The following TMEM117 variants were observed in gnomAD, a reference collection of about 807,000 sequenced individuals.
TMEM117 encodes transmembrane protein 117.
In TMEM117, 27 loss-of-function variants were observed where a neutral mutation model predicts 52.4. The observed-to-expected ratio is 0.51, with a 90% CI of 0.38 to 0.71. The LOEUF (loss-of-function observed/expected upper bound fraction) is 0.71, where lower values mean the gene tolerates loss of function less well. Among genes scored for constraint, TMEM117 ranks in the 30% least tolerant of loss-of-function variants. The pLI, the probability that TMEM117 is intolerant of heterozygous loss-of-function variation, is 0.00. For missense variants in TMEM117, 556 were observed against 630.5 expected (o/e 0.88, Z 1.26); for synonymous variants, 215 against 206.3 (o/e 1.04, Z -0.36).
At chr12:44,176,007 G>A (rs1004708726) in intron 4 of TMEM117, among the ~76,000 whole-genome samples, 1 of 152,116 alleles carries the variant, frequency 6.6e-6, no homozygotes, top group Non-Finnish European at 1.5e-5. Flanking sequence ...TATTCAAGAA[G>A]TTTGTAATGG....
intron 3 of TMEM117, among the ~76,000 whole-genome samples, chr12:43,999,723 C>T (rs1184290827): frequency 1.3e-5 from 2 of 152,084 alleles, no homozygotes; most frequent in African/African-American, 4.8e-5. Flanking sequence ...AACTCCTGAG[C>T]TCAAGCAGTC....
chr12:43,987,172 TAGAG>T (rs1945862785), intron 3 of TMEM117, among the ~76,000 whole-genome samples: 1 of 152,176 alleles, frequency 6.6e-6, no homozygotes, highest in Admixed American at 6.5e-5. Flanking sequence ...CAAGCACACA[TAGAG>T]AGAAGACAGT....
At chr12:43,936,431 A>C (rs1565758683) in intron 2 of TMEM117, among the ~76,000 whole-genome samples, 2 of 152,148 alleles carry the variant, frequency 1.3e-5, no homozygotes, top group Non-Finnish European at 2.9e-5. Flanking sequence ...TAGGATATCT[A>C]AGACTATAGT....
intron 4 of TMEM117, among the ~76,000 whole-genome samples, chr12:44,197,458 G>A (rs1384716690): frequency 2.0e-5 from 3 of 151,924 alleles, no homozygotes; most frequent in Admixed American, 2.0e-4. Flanking sequence ...ATATAATATT[G>A]GGCTAATATA....
At chr12:44,271,138 T>C (rs1396758564) in intron 5 of TMEM117, among the ~76,000 whole-genome samples, 4 of 152,086 alleles carry the variant, frequency 2.6e-5, no homozygotes, top group Non-Finnish European at 5.9e-5. Flanking sequence ...TGTTTTTTTG[T>C]TATGTCCTTT....
At chr12:43,944,397 G>A in intron 3 of TMEM117, 55 bp downstream of exon 3, 38 of 1,518,530 alleles carry the variant, frequency 2.5e-5, no homozygotes, top group Non-Finnish European at 3.3e-5. Flanking sequence ...AAACTTGTAA[G>A]AATTTAAGAG....
At chr12:43,929,008 G>T (rs996508096) in intron 2 of TMEM117, among the ~76,000 whole-genome samples, 40 of 151,472 alleles carry the variant, frequency 2.6e-4, no homozygotes, top group African/African-American at 9.5e-4. Flanking sequence ...TGGACATTTG[G>T]GTTGGTTCCA....
chr12:44,376,723 AG>A lies in TMEM117; in HGVS notation c.898+1del. 2 of 1,598,860 alleles carry A rather than the reference AG, an allele frequency of 1.3e-6. No individual in the cohort carries two copies. Among genetic ancestry groups the A allele is most frequent in the South Asian group, 2.3e-5 (2 of 87,290 alleles). ...FKEEYRIHIT[G>X]KWFNYGIIFL... ...AGGAGGAATATCGTATTCACATAAC[AG>A]GTGTGTTATATCTTTGAACACAATT... On this transcript the variant is annotated frameshift_variant and splice_region_variant, in exon 7 of 8. Coordinates refer to ENST00000266534, the MANE Select transcript of TMEM117 (RefSeq NM_032256.3). LOFTEE classifies it high-confidence loss of function.
intron 3 of TMEM117, among the ~76,000 whole-genome samples, chr12:44,098,395 G>A (rs1459143727): frequency 2.0e-5 from 3 of 151,196 alleles, no homozygotes; most frequent in Non-Finnish European, 4.4e-5. Flanking sequence ...TATTATTACA[G>A]ACTTAAGTCA....
intron 5 of TMEM117, among the ~76,000 whole-genome samples, chr12:44,225,615 A>G (rs1949850402): frequency 6.6e-6 from 1 of 152,200 alleles, no homozygotes; most frequent in Non-Finnish European, 1.5e-5. Context: ...CAATTTTAGT[A>G]TATAAACATC....
intron 3 of TMEM117, among the ~76,000 whole-genome samples, chr12:44,103,658 C>A (rs562183269): frequency 6.6e-6 from 1 of 152,028 alleles, no homozygotes; most frequent in African/African-American, 2.4e-5. Flanking sequence ...AGGATGCAGT[C>A]CTGAAACTTT....
the TMEM117 span, among the ~76,000 whole-genome samples, chr12:43,827,984 C>T: frequency 6.6e-6 from 1 of 152,170 alleles, no homozygotes; most frequent in Non-Finnish European, 1.5e-5. Flanking sequence ...ATACCAGGAA[C>T]CACCAGAAGC....
intron 3 of TMEM117, among the ~76,000 whole-genome samples, chr12:44,120,995 C>G (rs1430699584): frequency 3.3e-5 from 5 of 152,204 alleles, no homozygotes; most frequent in Non-Finnish European, 7.3e-5. Context: ...CTTACAGTTC[C>G]ATGTGGCTGG....
At chr12:44,310,352 C>A (rs1437431193) in intron 6 of TMEM117, among the ~76,000 whole-genome samples, 2 of 152,080 alleles carry the variant, frequency 1.3e-5, no homozygotes, top group Non-Finnish European at 2.9e-5. Context: ...ATAAGAATCA[C>A]TGGGGGCAGG....
intron 3 of TMEM117, among the ~76,000 whole-genome samples, chr12:43,988,409 T>A (rs1169319438): frequency 6.6e-6 from 1 of 152,140 alleles, no homozygotes; most frequent in Non-Finnish European, 1.5e-5. Flanking sequence ...TTTTCATATT[T>A]TAATGACCAA....
At chr12:44,061,039 A>G (rs960919678) in intron 3 of TMEM117, among the ~76,000 whole-genome samples, 2 of 152,206 alleles carry the variant, frequency 1.3e-5, no homozygotes, top group Non-Finnish European at 2.9e-5. Context: ...CCAATTAAGT[A>G]GACAGTATTT....
At chr12:44,063,263 T>G (rs1301568271) in intron 3 of TMEM117, among the ~76,000 whole-genome samples, 1 of 152,180 alleles carries the variant, frequency 6.6e-6, no homozygotes, top group Admixed American at 6.5e-5. Context: ...TCAAAGAGTA[T>G]AAAGGAATGC....
intron 3 of TMEM117, among the ~76,000 whole-genome samples, chr12:43,973,627 A>C (rs2137698664): frequency 6.6e-6 from 1 of 152,364 alleles, no homozygotes; most frequent in South Asian, 2.1e-4. Flanking sequence ...TTTGGTTGAA[A>C]GTGTGAGACA....
intron 4 of TMEM117, among the ~76,000 whole-genome samples, chr12:44,164,674 T>C (rs1421976315): frequency 6.6e-6 from 1 of 152,164 alleles, no homozygotes; most frequent in Non-Finnish European, 1.5e-5. Flanking sequence ...ATAAGAGGAT[T>C]TCTGAATTAT....
Sources: allele counts gnomAD v4.1 joint callset (sites outside exome capture counted in the v4.1 genomes callset), GRCh38; gene constraint gnomAD v4.1.1; transcripts MANE v1.5; gene names NCBI Gene and HGNC (gene_info 2026-07-23, HGNC 2026-07-21).